The following NAALADL2 variants were observed in gnomAD, a reference collection of about 807,000 sequenced individuals.
NAALADL2 encodes N-acetylated alpha-linked acidic dipeptidase like 2, also known as inactive N-acetylated-alpha-linked acidic dipeptidase-like protein 2.
In NAALADL2, 76 loss-of-function variants were observed where a neutral mutation model predicts 87.2. The ratio of observed to expected loss-of-function variants is 0.87; its 90% CI spans 0.72 to 1.05. NAALADL2 has a LOEUF of 1.05. Ranked by LOEUF, NAALADL2 falls within the 50% of genes least tolerant of loss-of-function variation. The probability of loss-of-function intolerance (pLI) is 0.00; values close to 1 mark genes in which losing one functional copy is unlikely to be tolerated. For synonymous variants in NAALADL2, 354 were observed against 331.0 expected (o/e 1.07, Z -0.75); for missense variants, 1,089 against 945.8 (o/e 1.15, Z -1.99).
At chr3:174,916,123 A>G (rs1339940849) in intron 1 of NAALADL2, among the ~76,000 whole-genome samples, 1 of 152,172 alleles carries the variant, frequency 6.6e-6, no homozygotes, top group Non-Finnish European at 1.5e-5. Context: ...AAAAATGCTC[A>G]ACATCGCTAA....
chr3:175,561,330 G>A (rs1716237393), intron 9 of NAALADL2, among the ~76,000 whole-genome samples: 2 of 152,110 alleles, frequency 1.3e-5, no homozygotes, highest in African/African-American at 4.8e-5. Flanking sequence ...GTTACACTGT[G>A]TTGTTCAGGG....
chr3:174,441,741 A>G (rs1304614558), intron 1 of NAALADL2, among the ~76,000 whole-genome samples: 1 of 91,540 alleles, frequency 1.1e-5, no homozygotes, highest in Non-Finnish European at 2.2e-5. Context: ...TTTTTTTTTC[A>G]TTTTTCCTTT....
chr3:174,866,988 ATACT>A (rs771363275), intron 1 of NAALADL2, among the ~76,000 whole-genome samples: 16 of 151,778 alleles, frequency 1.1e-4, no homozygotes, highest in African/African-American at 2.9e-4. Context: ...TTTCTATAAA[ATACT>A]TACTAATTAC....
At chr3:175,018,407 T>G (rs772422081) in intron 1 of NAALADL2, among the ~76,000 whole-genome samples, 1 of 152,092 alleles carries the variant, frequency 6.6e-6, no homozygotes, top group African/African-American at 2.4e-5. Flanking sequence ...TATTATTATA[T>G]ATGTCCAGAA....
At chr3:175,486,084 CA>C (rs1391749784) in intron 9 of NAALADL2, among the ~76,000 whole-genome samples, 1 of 150,050 alleles carries the variant, frequency 6.7e-6, no homozygotes, top group Non-Finnish European at 1.5e-5. Context: ...TCTATTATAG[CA>C]GCCTGAACTG....
chr3:174,835,536 A>G (rs1401914453), intron 3 of NAALADL2, among the ~76,000 whole-genome samples: 1 of 152,162 alleles, frequency 6.6e-6, no homozygotes, highest in Non-Finnish European at 1.5e-5. Context: ...CTGTGTATCA[A>G]GGGATACAAT....
intron 1 of NAALADL2, among the ~76,000 whole-genome samples, chr3:175,093,416 T>TATATA (rs1489640629): frequency 0.019 from 2,601 of 139,482 alleles, 71 homozygotes; most frequent in African/African-American, 0.061. Flanking sequence ...TTTTATTTTT[T>TATATA]TATATATATA....
intron 1 of NAALADL2, among the ~76,000 whole-genome samples, chr3:174,530,732 T>A (rs570644837): frequency 6.6e-6 from 1 of 152,258 alleles, no homozygotes; most frequent in East Asian, 1.9e-4. Flanking sequence ...ACCCACTGAA[T>A]GGGTGAATAC....
chr3:174,687,258 A>G (rs1486195127), intron 2 of NAALADL2, among the ~76,000 whole-genome samples: 2 of 152,020 alleles, frequency 1.3e-5, no homozygotes, highest in African/African-American at 4.8e-5. Flanking sequence ...TTCCTCCCAT[A>G]TTTATGGATT....
At chr3:175,627,254 A>G (rs1458210725) in intron 10 of NAALADL2, 37 bp from the exon 11 acceptor site, 3 of 1,458,714 alleles carry the variant, frequency 2.1e-6, no homozygotes, top group African/African-American at 2.8e-5. Flanking sequence ...CAAAATCGAT[A>G]AAGAGTTTTA....
chr3:175,277,788 A>G (rs1349107401), intron 4 of NAALADL2, among the ~76,000 whole-genome samples: 1 of 152,036 alleles, frequency 6.6e-6, no homozygotes, highest in Non-Finnish European at 1.5e-5. Context: ...GATACCATTT[A>G]CCCTCCTATC....
intron 1 of NAALADL2, among the ~76,000 whole-genome samples, chr3:174,478,266 G>A (rs1416858122): frequency 6.6e-6 from 1 of 151,984 alleles, no homozygotes. Context: ...TAAGATTTAT[G>A]GTAGTTTAAA....
chr3:175,810,402 A>G lies in NAALADL2; in HGVS notation c.*7199A>G, dbSNP rs181262902. ...AATATTTTATATTTAAGTTGTTTAAATATTTGCACATTATTGAAAACATAG... is the reference window on the plus strand; with the variant it reads ...AATATTTTATATTTAAGTTGTTTAAGTATTTGCACATTATTGAAAACATAG... On this transcript the variant is annotated 3_prime_UTR_variant, in exon 14 of 14. Transcript: ENST00000454872. 1.3e-5 allele frequency: 2 copies of G among 152,184 alleles called. No individual in the cohort carries two copies. The highest frequency in any genetic ancestry group is 3.9e-4 in the East Asian group (2 of 5,182). The allele number at this position is 152,184 out of a possible 1,614,324, so 9.4% of individuals were successfully genotyped here. A position where few individuals can be genotyped will look rare whatever the true frequency, so the allele number is the denominator to read the frequency against.
intron 2 of NAALADL2, among the ~76,000 whole-genome samples, chr3:174,629,931 A>AATT (rs1721945146): frequency 1.3e-5 from 2 of 152,208 alleles, no homozygotes; most frequent in African/African-American, 2.4e-5. Flanking sequence ...TTGAAAGGGT[A>AATT]GCTTATTAGC....
chr3:175,131,012 C>A (rs114935334), intron 2 of NAALADL2, among the ~76,000 whole-genome samples: 3,112 of 152,268 alleles, frequency 0.02, 52 homozygotes, highest in Admixed American at 0.031. Context: ...GACATTTCAA[C>A]AATATTAATT....
chr3:175,141,037 A>G (rs947527824), intron 2 of NAALADL2, among the ~76,000 whole-genome samples: 3 of 152,148 alleles, frequency 2.0e-5, no homozygotes, highest in Non-Finnish European at 4.4e-5. Flanking sequence ...TCAAAATATC[A>G]TGGAGGATAA....
chr3:175,697,433 A>AC (rs1560991883), intron 11 of NAALADL2, among the ~76,000 whole-genome samples: 5 of 148,968 alleles, frequency 3.4e-5, no homozygotes, highest in Non-Finnish European at 7.5e-5. Context: ...ACACACACAC[A>AC]AAACCCTACT....
At chr3:175,397,570 A>C (rs1229700902) in intron 5 of NAALADL2, among the ~76,000 whole-genome samples, 3 of 152,150 alleles carry the variant, frequency 2.0e-5, no homozygotes. Flanking sequence ...TAATTCTGTT[A>C]TCTTGTTGAA....
intron 4 of NAALADL2, among the ~76,000 whole-genome samples, chr3:175,276,690 G>C (rs1753649553): frequency 6.6e-6 from 1 of 152,130 alleles, no homozygotes; most frequent in Non-Finnish European, 1.5e-5. Flanking sequence ...CTAAGCAGAA[G>C]TGAAAACCTT....
Sources: gnomAD v4.1 joint callset for allele counts (sites outside exome capture counted in the v4.1 genomes callset) on GRCh38, gnomAD v4.1.1 for gene constraint, MANE v1.5 for transcripts, NCBI Gene and HGNC (gene_info 2026-07-23, HGNC 2026-07-21) for gene names.